Variants in TTPA observed in about 807,000 individuals in gnomAD.
TTPA encodes the protein alpha-tocopherol transfer protein.
Under a neutral mutation model 25.9 loss-of-function variants are expected in TTPA, and 23 were observed. That is an observed-to-expected ratio of 0.89 (90% CI 0.64 to 1.26). TTPA has a LOEUF of 1.26. Among genes scored for constraint, TTPA ranks in the 50% most tolerant of loss-of-function variants. The probability of loss-of-function intolerance (pLI) is 0.00; values close to 1 mark genes in which losing one functional copy is unlikely to be tolerated. For synonymous variants in TTPA, 148 were observed against 137.3 expected, an observed-to-expected ratio of 1.08 and a Z score of -0.54; for missense variants, 337 against 353.1, an observed-to-expected ratio of 0.95 and a Z score of 0.37.
intron 1 of TTPA, among the ~76,000 whole-genome samples, chr8:63,083,085 C>G (rs760864805): frequency 6.6e-6 from 1 of 152,150 alleles, no homozygotes; most frequent in Non-Finnish European, 1.5e-5. Context: ...GTGGTGATTC[C>G]TCAAGGATCT....
intron 1 of TTPA, among the ~76,000 whole-genome samples, chr8:63,081,949 T>C (rs1805670662): frequency 6.6e-6 from 1 of 152,126 alleles, no homozygotes; most frequent in African/African-American, 2.4e-5. Context: ...GTGAAGGACC[T>C]CTTCAAGGAG....
chr8:63,067,068 T>C (rs1462256652), intron 2 of TTPA, among the ~76,000 whole-genome samples: 1 of 152,040 alleles, frequency 6.6e-6, no homozygotes, highest in Non-Finnish European at 1.5e-5. Context: ...TTCAAAGAAT[T>C]TTTTTAAAGA....
chr8:63,084,963 C>T (rs777424907), intron 1 of TTPA, among the ~76,000 whole-genome samples: 5 of 152,178 alleles, frequency 3.3e-5, no homozygotes, highest in Non-Finnish European at 7.4e-5. Flanking sequence ...TAATATCTTT[C>T]CTGCTAGGCA....
intron 4 of TTPA, among the ~76,000 whole-genome samples, chr8:63,062,430 T>C (rs1019856607): frequency 6.6e-5 from 10 of 152,174 alleles, no homozygotes; most frequent in Non-Finnish European, 1.0e-4. Flanking sequence ...TTAATAAGCA[T>C]CTATTATGTG....
intron 1 of TTPA, among the ~76,000 whole-genome samples, chr8:63,082,395 G>T (rs902966506): frequency 6.6e-6 from 1 of 152,156 alleles, no homozygotes; most frequent in Non-Finnish European, 1.5e-5. Context: ...ATGGGGAAAG[G>T]ATTCCCTATT....
rs1042820722 is a variant in TTPA at position 63,061,003 on chromosome 8, C to T, written c.*249G>A. On this transcript the variant is annotated 3_prime_UTR_variant, in exon 5 of 5. Coordinates refer to ENST00000260116, the MANE Select transcript of TTPA (RefSeq NM_000370.3). ...ATAACTTTCATGTTCTCTTCAAGTA[C>T]AAAATCGCCGATTTTTATGCTCTTA... is the stretch of plus-strand genomic sequence containing the variant. 2.5e-6 allele frequency: 1 copy of T among 404,938 alleles called. No homozygotes were observed. The highest frequency in any genetic ancestry group is 2.0e-5 in the African/African-American group (1 of 49,676). 25.1% of individuals were successfully genotyped at this position (404,938 alleles called of 1,614,324 possible).
At chr8:63,076,357 A>T (rs1361943377) in intron 1 of TTPA, among the ~76,000 whole-genome samples, 1 of 148,726 alleles carries the variant, frequency 6.7e-6, no homozygotes, top group Admixed American at 6.6e-5. Context: ...CTTTCTTTAT[A>T]CAAAAACTAT....
At chr8:63,082,894 C>A (rs1353850946) in intron 1 of TTPA, among the ~76,000 whole-genome samples, 3 of 152,120 alleles carry the variant, frequency 2.0e-5, no homozygotes, top group African/African-American at 7.2e-5. Context: ...AAATGCTCAT[C>A]ATCACTGGTC....
At chr8:63,065,458 A>G (rs2129744509) in intron 3 of TTPA, among the ~76,000 whole-genome samples, 1 of 152,324 alleles carries the variant, frequency 6.6e-6, no homozygotes, top group East Asian at 1.9e-4. Context: ...ATTAAAGATT[A>G]TTCCTTAGCT....
At chr8:63,074,568 A>T (rs1215422433) in intron 1 of TTPA, among the ~76,000 whole-genome samples, 1 of 152,222 alleles carries the variant, frequency 6.6e-6, no homozygotes, top group Non-Finnish European at 1.5e-5. Flanking sequence ...AAGCATGAGA[A>T]CAACAGGCAC....
In TTPA at chr8:63,060,230, T is replaced by C. The variant is rs866549761; in HGVS notation, c.*1022A>G. On this transcript the variant is annotated 3_prime_UTR_variant, in exon 5 of 5. Transcript: ENST00000260116. Reference sequence around the variant, plus strand: ...GATTCCATCCCTTTCCGTGTAGTCATAAGAATGACCATAAGCAAAAGTTAA... The same window carrying C: ...GATTCCATCCCTTTCCGTGTAGTCACAAGAATGACCATAAGCAAAAGTTAA... 3.9e-4 allele frequency: 60 copies of C among 152,356 alleles called. No homozygotes were observed. Among genetic ancestry groups the C allele is most frequent in the African/African-American group, 1.4e-3 (57 of 41,576 alleles). 9.4% of individuals were successfully genotyped at this position (152,356 alleles called of 1,614,324 possible).
chr8:63,078,237 A>G (rs1805603688), intron 1 of TTPA, among the ~76,000 whole-genome samples: 1 of 152,220 alleles, frequency 6.6e-6, no homozygotes, highest in Non-Finnish European at 1.5e-5. Context: ...GAGAAACCAG[A>G]GCAGAAAAGC....
At chr8:63,066,197 A>G in intron 2 of TTPA, 100 bp from the exon 3 acceptor site, 1 of 1,190,680 alleles carries the variant, frequency 8.4e-7, no homozygotes, top group Non-Finnish European at 1.2e-6. Flanking sequence ...GATCAGTTGA[A>G]ATAAAAACAT....
intron 3 of TTPA, 114 bp from the exon 4 acceptor site, chr8:63,064,430 G>T (rs138255928): frequency 6.8e-5 from 49 of 718,492 alleles, no homozygotes; most frequent in Middle Eastern, 3.8e-4. Flanking sequence ...TAAAGTGTGT[G>T]ATTTTATCTT....
intron 1 of TTPA, among the ~76,000 whole-genome samples, chr8:63,085,428 G>A (rs914579513): frequency 1.3e-5 from 2 of 152,232 alleles, no homozygotes; most frequent in Non-Finnish European, 2.9e-5. Context: ...CGTGTGATAA[G>A]TCTGAGCTTC....
intron 1 of TTPA, 49 bp downstream of exon 1, chr8:63,085,769 G>A (rs191599269): frequency 1.1e-5 from 16 of 1,520,252 alleles, no homozygotes; most frequent in Non-Finnish European, 1.4e-5. Context: ...GGCGGGGGAC[G>A]GGGCGGGTGA....
Position 63,066,085 on chromosome 8 carries a change from G to A in TTPA, c.371C>T (p.Pro124Leu), listed in dbSNP as rs1306893214. ...TACGTCATAAGCTGTAAAAACTTTGGGGTCCCAGTGTGCTAAAAAAAATAA... is the reference window on the plus strand; with the variant it reads ...TACGTCATAAGCTGTAAAAACTTTGAGGTCCCAGTGTGCTAAAAAAAATAA... ...VLIYRIAHWD[P>L]KVFTAYDVFR... Residue 124 changes from proline (P) to leucine (L), a missense_variant, in exon 3 of 5, where the codon CCC becomes CTC. Coordinates refer to ENST00000260116, the MANE Select transcript of TTPA (RefSeq NM_000370.3). The A allele has an allele frequency of 6.6e-7, 1 of 1,510,160 alleles. No individual in the cohort carries two copies. Among genetic ancestry groups the A allele is most frequent in the South Asian group, 1.1e-5 (1 of 87,152 alleles). 93.5% of individuals were successfully genotyped at this position (1,510,160 alleles called of 1,614,324 possible). A position where few individuals can be genotyped will look rare whatever the true frequency, so the allele number is the denominator to read the frequency against.
chr8:63,083,606 G>A (rs182840764), intron 1 of TTPA, among the ~76,000 whole-genome samples: 1 of 150,460 alleles, frequency 6.6e-6, no homozygotes, highest in East Asian at 1.9e-4. Flanking sequence ...TGCACATTGT[G>A]CACATGTACC....
Position 63,072,971 on chromosome 8 carries a change from C to T in TTPA, c.322G>A (p.Asp108Asn), listed in dbSNP as rs1805505407. Residue 108 changes from aspartate to asparagine, a missense_variant, in exon 2 of 5, where the codon GAT (aspartate) becomes AAT (asparagine). By Grantham distance (23) the Asp-to-Asn change is conservative. Transcript: ENST00000260116. ...AGYHGVLRSR[D>N]PTGSKVLIYR... The stretch of plus-strand genomic sequence containing the variant: ...ATAAGAACTTTGCTGCCAGTGGGAT[C>T]CCTGGATCTCAGGACTCCATGGTAG... 2 of 1,613,900 alleles carry T rather than the reference C, an allele frequency of 1.2e-6. No individual in the cohort carries two copies. The highest frequency in any genetic ancestry group is 2.7e-5 in the African/African-American group (2 of 74,882).
Sources: gnomAD v4.1 joint callset for allele counts (sites outside exome capture counted in the v4.1 genomes callset) on GRCh38, gnomAD v4.1.1 for gene constraint, MANE v1.5 for transcripts, NCBI Gene and HGNC (gene_info 2026-07-23, HGNC 2026-07-21) for gene names.